The following GALNT14 variants were observed in gnomAD, a reference collection of about 807,000 sequenced individuals.
GALNT14 encodes UDP-GalNAc:polypeptide N-acetylgalactosaminyltransferase 14.
GALNT14 carries 60 observed loss-of-function variants against 77.5 expected under a neutral mutation model. The observed-to-expected ratio is 0.77, with a 90% CI of 0.63 to 0.96. The LOEUF is 0.96. GALNT14 is among the 40% of genes least tolerant of loss of function. The pLI is 0.00. For synonymous variants in GALNT14, 280 were observed against 281.7 expected, an observed-to-expected ratio of 0.99 and a Z score of 0.06; for missense variants, 710 against 731.0, an observed-to-expected ratio of 0.97 and a Z score of 0.33.
chr2:30,935,268 CCT>C (rs1440674927), intron 9 of GALNT14, among the ~76,000 whole-genome samples: 2 of 152,178 alleles, frequency 1.3e-5, no homozygotes, highest in East Asian at 1.9e-4. Context: ...ATGCTCTTCC[CCT>C]GACACCACCC....
chr2:30,936,329 C>T (rs1186386901), intron 9 of GALNT14, among the ~76,000 whole-genome samples: 1 of 152,022 alleles, frequency 6.6e-6, no homozygotes, highest in African/African-American at 2.4e-5. Flanking sequence ...AGCTTTCTCT[C>T]CAGGAAGCAA....
At position 31,076,629 on chromosome 2, in the gene GALNT14, A is replaced by ATATT. The variant is rs1553373502; in HGVS notation, c.129+61328_129+61329insAATA. On this transcript the variant is annotated intron_variant, in intron 1 of 14. Transcript: ENST00000349752. Reference sequence around the variant, plus strand: ...TGTGTATACATATATATATATATATATTTTTTTTTTTTTTACATGTACATA... The same window carrying ATATT: ...TGTGTATACATATATATATATATATATATTTTTTTTTTTTTTTTACATGTACATA... Among the ~76,000 whole-genome samples the ATATT allele has an allele frequency of 2.1e-3, 215 of 101,906 alleles. 3 individuals carry two copies. The highest frequency in any genetic ancestry group is 6.5e-3 in the African/African-American group (208 of 32,246). 66.9% of individuals were successfully genotyped at this position (101,906 alleles called of 152,430 possible). A position where few individuals can be genotyped will look rare whatever the true frequency, so the allele number is the denominator to read the frequency against.
intron 2 of GALNT14, among the ~76,000 whole-genome samples, chr2:30,977,632 C>T (rs1026942980): frequency 6.6e-6 from 1 of 152,124 alleles, no homozygotes; most frequent in African/African-American, 2.4e-5. Flanking sequence ...AAAGTAAGGC[C>T]TGCAGCCAAG....
At chr2:30,969,418 T>C (rs1573059708) in intron 2 of GALNT14, among the ~76,000 whole-genome samples, 1 of 152,016 alleles carries the variant, frequency 6.6e-6, no homozygotes, top group African/African-American at 2.4e-5. Context: ...CAGGGGCAAG[T>C]TGGGGAGGGA....
At chr2:31,009,721 G>A (rs543503361) in intron 1 of GALNT14, among the ~76,000 whole-genome samples, 1 of 152,194 alleles carries the variant, frequency 6.6e-6, no homozygotes, top group Admixed American at 6.5e-5. Flanking sequence ...GTAAAGAAAT[G>A]GCACCACCAG....
intron 1 of GALNT14, among the ~76,000 whole-genome samples, chr2:30,996,288 T>C (rs1165143828): frequency 2.0e-5 from 3 of 152,202 alleles, no homozygotes; most frequent in Non-Finnish European, 2.9e-5. Flanking sequence ...GGAATGTGGA[T>C]TGCAAAGAGG....
chr2:30,982,201 A>G (rs1669031485), intron 2 of GALNT14, among the ~76,000 whole-genome samples: 1 of 152,230 alleles, frequency 6.6e-6, no homozygotes, highest in Non-Finnish European at 1.5e-5. Context: ...CTGGTAGGCA[A>G]AAATGAAACA....
At position 31,076,630 on chromosome 2, in the gene GALNT14, T is replaced by TATATATATATATA. The variant is rs1553373510; in HGVS notation, c.129+61327_129+61328insTATATATATATAT. On this transcript the variant is annotated intron_variant, in intron 1 of 14. Coordinates refer to ENST00000349752, the MANE Select transcript of GALNT14 (RefSeq NM_024572.4). ...GTGTATACATATATATATATATATA[T>TATATATATATATA]TTTTTTTTTTTTTACATGTACATAT... Among the ~76,000 whole-genome samples the TATATATATATATA allele has an allele frequency of 8.6e-4, 75 of 87,212 alleles. 1 individual carries two copies. Among genetic ancestry groups the TATATATATATATA allele is most frequent in the East Asian group, 4.0e-3 (15 of 3,738 alleles). 57.2% of individuals were successfully genotyped at this position (87,212 alleles called of 152,430 possible).
At chr2:30,964,504 G>A (rs1445780830) in intron 3 of GALNT14, among the ~76,000 whole-genome samples, 1 of 152,170 alleles carries the variant, frequency 6.6e-6, no homozygotes, top group Non-Finnish European at 1.5e-5. Context: ...CGAGACTCCC[G>A]GTGACACCTG....
At chr2:30,962,620 A>G (rs1382221953) in intron 3 of GALNT14, among the ~76,000 whole-genome samples, 1 of 152,136 alleles carries the variant, frequency 6.6e-6, no homozygotes, top group Non-Finnish European at 1.5e-5. Context: ...CATCAAGGTC[A>G]TGCTTCTCTA....
intron 1 of GALNT14, among the ~76,000 whole-genome samples, chr2:31,120,836 G>A (rs1171532544): frequency 1.3e-5 from 2 of 152,232 alleles, no homozygotes; most frequent in African/African-American, 4.8e-5. Flanking sequence ...GATTACAGGC[G>A]TGAGCCACCA....
At chr2:30,987,324 G>A (rs772572363) in intron 2 of GALNT14, among the ~76,000 whole-genome samples, 11 of 152,142 alleles carry the variant, frequency 7.2e-5, no homozygotes, top group Non-Finnish European at 1.5e-4. Flanking sequence ...GCATGCCTGC[G>A]AAGCTGTAGA....
chr2:31,049,017 G>A (rs1182015086), intron 1 of GALNT14, among the ~76,000 whole-genome samples: 3 of 152,148 alleles, frequency 2.0e-5, no homozygotes, highest in Admixed American at 2.0e-4. Context: ...CCTTGTGAAT[G>A]AGAAGGGAGA....
At chr2:31,111,920 C>G (rs1451944095) in intron 1 of GALNT14, among the ~76,000 whole-genome samples, 1 of 151,586 alleles carries the variant, frequency 6.6e-6, no homozygotes, top group East Asian at 1.9e-4. Flanking sequence ...CGGTCACCAA[C>G]AGGACAGTCC....
intron 13 of GALNT14, among the ~76,000 whole-genome samples, chr2:30,921,635 T>C (rs1665037038): frequency 6.6e-6 from 1 of 152,190 alleles, no homozygotes; most frequent in Non-Finnish European, 1.5e-5. Flanking sequence ...ATGTCTGTGC[T>C]GAGACTGGGA....
At chr2:31,011,101 G>A (rs1255047763) in intron 1 of GALNT14, among the ~76,000 whole-genome samples, 2 of 152,224 alleles carry the variant, frequency 1.3e-5, no homozygotes, top group Admixed American at 6.5e-5. Flanking sequence ...GGACACCCAC[G>A]AGAGCTGGGT....
At chr2:31,012,520 C>T (rs1465038737) in intron 1 of GALNT14, among the ~76,000 whole-genome samples, 2 of 152,174 alleles carry the variant, frequency 1.3e-5, no homozygotes, top group Non-Finnish European at 2.9e-5. Context: ...CCACCTCACT[C>T]CACCAAGGCC....
At chr2:31,050,769 TTTTTG>T (rs151147332) in intron 1 of GALNT14, among the ~76,000 whole-genome samples, 40,329 of 112,146 alleles carry the variant, frequency 0.36, 5,699 homozygotes, top group East Asian at 0.63. Flanking sequence ...AGCAAAAAGT[TTTTTG>T]TTTTTTTTTT....
At position 31,077,762 on chromosome 2, in the gene GALNT14, A is replaced by G. The variant is rs10202349; in HGVS notation, c.129+60196T>C. 5.6e-3 allele frequency among the ~76,000 whole-genome samples: 854 copies of G among 152,282 alleles called. 7 individuals carry two copies. Among genetic ancestry groups the G allele is most frequent in the African/African-American group, 0.02 (821 of 41,544 alleles). On this transcript the variant is annotated intron_variant, in intron 1 of 14. Coordinates refer to ENST00000349752, the MANE Select transcript of GALNT14 (RefSeq NM_024572.4). ...GGAAAATACACATATTTCTCACTCA[A>G]TTCTATCACCTTTGGGCGTCATTCC...
Sources: gnomAD v4.1 joint callset for allele counts (sites outside exome capture counted in the v4.1 genomes callset) on GRCh38, gnomAD v4.1.1 for gene constraint, MANE v1.5 for transcripts, NCBI Gene and HGNC (gene_info 2026-07-23, HGNC 2026-07-21) for gene names.